Variants in SPAG6 observed in about 807,000 individuals in gnomAD.
SPAG6 encodes sperm-associated antigen 6.
In SPAG6, 49 loss-of-function variants were observed where a neutral mutation model predicts 58.5. The observed-to-expected ratio is 0.84, with a 90% CI of 0.67 to 1.06. SPAG6 has a LOEUF of 1.06. SPAG6 is among the 50% of genes least tolerant of loss of function. The probability of loss-of-function intolerance (pLI) is 0.00; values close to 1 mark genes in which losing one functional copy is unlikely to be tolerated. For missense variants in SPAG6, 560 were observed against 611.3 expected (o/e 0.92, Z 0.89); for synonymous variants, 233 against 225.6 (o/e 1.03, Z -0.29).
chr10:22,416,576 T>C, intron 10 of SPAG6, 43 bp from the exon 11 acceptor site: 1 of 1,209,534 alleles, frequency 8.3e-7, no homozygotes, highest in East Asian at 2.3e-5. Context: ...GCCTGCTGTG[T>C]TGATCGTTTC....
At chr10:22,382,499 C>T (rs1833979176) in intron 4 of SPAG6, among the ~76,000 whole-genome samples, 1 of 152,004 alleles carries the variant, frequency 6.6e-6, no homozygotes. Flanking sequence ...TGAATTAAGG[C>T]AGCAGGGTAA....
intron 9 of SPAG6, among the ~76,000 whole-genome samples, chr10:22,402,226 C>T (rs1047435551): frequency 6.6e-6 from 1 of 151,678 alleles, no homozygotes; most frequent in Non-Finnish European, 1.5e-5. Flanking sequence ...CAAAAACAAC[C>T]AAAGAGTTGT....
intron 9 of SPAG6, among the ~76,000 whole-genome samples, chr10:22,410,101 GT>G (rs1037885729): frequency 6.6e-6 from 1 of 152,028 alleles, no homozygotes; most frequent in African/African-American, 2.4e-5. Flanking sequence ...TTGTTTTTTA[GT>G]TTTCATTGGT....
At chr10:22,355,081 T>TTAATG (rs1836831077) in intron 2 of SPAG6, among the ~76,000 whole-genome samples, 1 of 152,008 alleles carries the variant, frequency 6.6e-6, no homozygotes, top group Non-Finnish European at 1.5e-5. Context: ...ACAGTTATGA[T>TTAATG]TAATGCTAAT....
chr10:22,353,426 T>C (rs1252166239), intron 2 of SPAG6, among the ~76,000 whole-genome samples: 1 of 152,236 alleles, frequency 6.6e-6, no homozygotes, highest in Non-Finnish European at 1.5e-5. Context: ...TGATTTTAGG[T>C]GAGGAAACAG....
At chr10:22,347,307 G>A (rs889276246) in intron 2 of SPAG6, among the ~76,000 whole-genome samples, 8 of 152,046 alleles carry the variant, frequency 5.3e-5, no homozygotes, top group African/African-American at 1.5e-4. Context: ...GTATGCACCC[G>A]TACTCCTCCA....
At chr10:22,363,254 T>TC (rs1417387470) in intron 2 of SPAG6, among the ~76,000 whole-genome samples, 3 of 152,230 alleles carry the variant, frequency 2.0e-5, no homozygotes, top group African/African-American at 7.2e-5. Context: ...TTTTTTTAAA[T>TC]CCACCTTTCC....
At chr10:22,403,309 A>G (rs2130621605) in intron 9 of SPAG6, among the ~76,000 whole-genome samples, 1 of 151,428 alleles carries the variant, frequency 6.6e-6, no homozygotes, top group East Asian at 2.0e-4. Context: ...AACAGTCCCC[A>G]GAGTGTGATG....
chr10:22,355,478 G>A (rs1836840793), intron 2 of SPAG6, among the ~76,000 whole-genome samples: 1 of 152,074 alleles, frequency 6.6e-6, no homozygotes, highest in Non-Finnish European at 1.5e-5. Flanking sequence ...ACAAAACTTG[G>A]AAGATACTAT....
chr10:22,358,407 C>T (rs1301240874), intron 2 of SPAG6, among the ~76,000 whole-genome samples: 5 of 151,924 alleles, frequency 3.3e-5, no homozygotes, highest in Non-Finnish European at 5.9e-5. Flanking sequence ...CTGTTCATAT[C>T]CTTCGCCCAC....
At chr10:22,349,006 T>A (rs1342735967) in intron 2 of SPAG6, among the ~76,000 whole-genome samples, 1 of 151,916 alleles carries the variant, frequency 6.6e-6, no homozygotes, top group Non-Finnish European at 1.5e-5. Context: ...CTAATTTTTG[T>A]TTTGTTTTGT....
intron 2 of SPAG6, among the ~76,000 whole-genome samples, chr10:22,346,497 T>TTCTTTCTTC (rs1554776508): frequency 1.3e-3 from 94 of 74,384 alleles, no homozygotes; most frequent in African/African-American, 4.8e-3. Flanking sequence ...CTTCTTCTTC[T>TTCTTTCTTC]TTCTTCTTCT....
At chr10:22,366,461 G>A (rs1451326842) in intron 3 of SPAG6, among the ~76,000 whole-genome samples, 2 of 152,158 alleles carry the variant, frequency 1.3e-5, no homozygotes, top group Admixed American at 1.3e-4. Flanking sequence ...TTGGGTTGAT[G>A]ATAATAGTCT....
intron 9 of SPAG6, among the ~76,000 whole-genome samples, chr10:22,409,565 T>A (rs976994651): frequency 6.6e-6 from 1 of 152,152 alleles, no homozygotes; most frequent in Non-Finnish European, 1.5e-5. Flanking sequence ...GGAGATAAAC[T>A]TTTTTTAAAA....
At chr10:22,412,613 C>T in intron 10 of SPAG6, 1 of 655,942 alleles carries the variant, frequency 1.5e-6, no homozygotes, top group Non-Finnish European at 2.4e-6. Flanking sequence ...ACTCTGTCTC[C>T]AGGCTGGAGT....
At chr10:22,394,950 G>A (rs1474553125) in intron 8 of SPAG6, among the ~76,000 whole-genome samples, 1 of 152,024 alleles carries the variant, frequency 6.6e-6, no homozygotes, top group Non-Finnish European at 1.5e-5. Context: ...GCCTCAAGCA[G>A]TCCCCCACCT....
At position 22,359,875 on chromosome 10, in the gene SPAG6, G is replaced by A. The variant is rs532578986; in HGVS notation, c.122-4978G>A. ...GTGCAGGTTTGTTACATAGGTAAACGTTGTTGGGGGGGATACTTGTTTTTA... is the reference window on the plus strand; with the variant it reads ...GTGCAGGTTTGTTACATAGGTAAACATTGTTGGGGGGGATACTTGTTTTTA... On this transcript the variant is annotated intron_variant, in intron 2 of 10. Transcript: ENST00000376624. 5.9e-5 allele frequency among the ~76,000 whole-genome samples: 9 copies of A among 152,204 alleles called. No homozygotes were observed. In the South Asian group the frequency reaches 1.4e-3, roughly 25 times the overall value.
At chr10:22,368,809 C>T (rs575624320) in intron 4 of SPAG6, 131 bp downstream of exon 4, 35 of 602,886 alleles carry the variant, frequency 5.8e-5, no homozygotes, top group Admixed American at 1.7e-4. Context: ...ATGAGAAGTA[C>T]GTTTTGAATG....
rs376828577 is a variant in SPAG6, at chr10:22,347,281, T to C, written c.121+1463T>C. On this transcript the variant is annotated intron_variant, in intron 2 of 10. Transcript: ENST00000376624. ...AGTTGTTTTATATGGGTTGATTTTC[T>C]GTATTCTGTGTGTGTGTATGCACCC... Among the ~76,000 whole-genome samples the C allele has an allele frequency of 4.6e-5, 7 of 152,312 alleles. No individual in the cohort carries two copies. In the South Asian group the frequency reaches 1.5e-3, roughly 32 times the overall value.
Sources: gnomAD v4.1 joint callset for allele counts (sites outside exome capture counted in the v4.1 genomes callset) on GRCh38, gnomAD v4.1.1 for gene constraint, MANE v1.5 for transcripts, NCBI Gene and HGNC (gene_info 2026-07-23, HGNC 2026-07-21) for gene names.